UBE2G1: variants seen among roughly 807,000 people sequenced by gnomAD.
UBE2G1 encodes the protein ubiquitin conjugating enzyme E2 G1.
In UBE2G1, 5 loss-of-function variants were observed where a neutral mutation model predicts 22.7. The ratio of observed to expected loss-of-function variants is 0.22; its 90% confidence interval spans 0.12 to 0.46. The LOEUF (loss-of-function observed/expected upper bound fraction) is 0.46, where lower values mean the gene tolerates loss of function less well. UBE2G1 is among the 20% of genes least tolerant of loss of function. The pLI is 0.99. For missense variants in UBE2G1, 88 were observed against 203.9 expected, an observed-to-expected ratio of 0.43 and a Z score of 3.46; for synonymous variants, 74 against 67.5, an observed-to-expected ratio of 1.10 and a Z score of -0.47.
At chr17:4,313,525 C>A (rs1969334568) in intron 1 of UBE2G1, among the ~76,000 whole-genome samples, 1 of 152,052 alleles carries the variant, frequency 6.6e-6, no homozygotes, top group Admixed American at 6.6e-5. Flanking sequence ...CTAGAAAGAC[C>A]TCTCTTTCTC....
intron 2 of UBE2G1, among the ~76,000 whole-genome samples, chr17:4,306,628 T>C (rs1969251875): frequency 1.3e-5 from 2 of 152,198 alleles, no homozygotes; most frequent in Non-Finnish European, 2.9e-5. Context: ...TAATTTCATG[T>C]CAGTTTGCCA....
At chr17:4,284,204 G>A (rs964313520) in intron 4 of UBE2G1, among the ~76,000 whole-genome samples, 1 of 146,788 alleles carries the variant, frequency 6.8e-6, no homozygotes, top group Admixed American at 6.8e-5. Flanking sequence ...TTAATTGAAA[G>A]TCTGTATACT....
intron 1 of UBE2G1, among the ~76,000 whole-genome samples, chr17:4,338,428 A>G (rs545678691): frequency 1.3e-4 from 20 of 152,232 alleles, no homozygotes; most frequent in Non-Finnish European, 2.9e-5. Context: ...GAATTAGAAA[A>G]CACTCCAATA....
At chr17:4,290,983 A>C (rs1969030779) in intron 3 of UBE2G1, among the ~76,000 whole-genome samples, 1 of 152,102 alleles carries the variant, frequency 6.6e-6, no homozygotes. Context: ...TTTATGTATG[A>C]GGTTTTCTAT....
intron 1 of UBE2G1, chr17:4,345,761 G>A: frequency 6.6e-6 from 1 of 152,110 alleles, no homozygotes; most frequent in Non-Finnish European, 1.5e-5. Context: ...TCTTACAAGG[G>A]AAGGTCTCTT....
At chr17:4,319,706 G>A (rs1969415362) in intron 1 of UBE2G1, among the ~76,000 whole-genome samples, 1 of 151,452 alleles carries the variant, frequency 6.6e-6, no homozygotes, top group Non-Finnish European at 1.5e-5. Flanking sequence ...CTGCACTCCA[G>A]CCTAGGCACC....
intron 4 of UBE2G1, among the ~76,000 whole-genome samples, chr17:4,283,590 A>G (rs1968922401): frequency 6.6e-6 from 1 of 152,186 alleles, no homozygotes; most frequent in African/African-American, 2.4e-5. Context: ...TCTGCAACAT[A>G]AGGTAGATAG....
At chr17:4,326,181 A>C (rs1969502796) in intron 1 of UBE2G1, among the ~76,000 whole-genome samples, 1 of 152,178 alleles carries the variant, frequency 6.6e-6, no homozygotes, top group Admixed American at 6.6e-5. Flanking sequence ...AAAATATTGT[A>C]AATCACCTAT....
chr17:4,361,498 G>T (rs1969966104), intron 1 of UBE2G1, among the ~76,000 whole-genome samples: 1 of 152,184 alleles, frequency 6.6e-6, no homozygotes, highest in Non-Finnish European at 1.5e-5. Context: ...CTGCACTCCA[G>T]CCTGGGTGAC....
At chr17:4,341,140 G>A (rs1362820530) in intron 1 of UBE2G1, among the ~76,000 whole-genome samples, 2 of 151,396 alleles carry the variant, frequency 1.3e-5, no homozygotes, top group Non-Finnish European at 2.9e-5. Flanking sequence ...CAGAGTATTA[G>A]TCACACACTG....
chr17:4,323,765 C>A (rs1490752714), intron 1 of UBE2G1, among the ~76,000 whole-genome samples: 1 of 152,080 alleles, frequency 6.6e-6, no homozygotes, highest in African/African-American at 2.4e-5. Flanking sequence ...ATCATGGTCT[C>A]GAAGTGGGCT....
chr17:4,341,388 G>A (rs1420139964), intron 1 of UBE2G1, among the ~76,000 whole-genome samples: 1 of 151,992 alleles, frequency 6.6e-6, no homozygotes, highest in Admixed American at 6.6e-5. Flanking sequence ...TGTTACTCTG[G>A]ATCAACTGCC....
At chr17:4,331,491 A>G (rs1046850901) in intron 1 of UBE2G1, among the ~76,000 whole-genome samples, 3 of 152,204 alleles carry the variant, frequency 2.0e-5, no homozygotes, top group Non-Finnish European at 4.4e-5. Flanking sequence ...TATTCTGAAT[A>G]TATCTAACTC....
At chr17:4,285,600 G>A (rs988017947) in intron 4 of UBE2G1, among the ~76,000 whole-genome samples, 3 of 152,202 alleles carry the variant, frequency 2.0e-5, no homozygotes, top group Non-Finnish European at 4.4e-5. Context: ...GAGAAGAGCA[G>A]TGAAGGGGTA....
intron 1 of UBE2G1, among the ~76,000 whole-genome samples, chr17:4,343,397 G>A (rs1969732634): frequency 6.6e-6 from 1 of 152,064 alleles, no homozygotes; most frequent in Admixed American, 6.6e-5. Flanking sequence ...CCAGCTACAA[G>A]GGAGGCTGAG....
intron 4 of UBE2G1, among the ~76,000 whole-genome samples, chr17:4,284,848 T>C (rs866907895): frequency 0.023 from 3,094 of 137,318 alleles, 72 homozygotes; most frequent in Non-Finnish European, 0.035. Flanking sequence ...CTTTTTTTTT[T>C]TTTTTTTTTT....
In UBE2G1 at chr17:4,270,954, G is replaced by A. The variant is rs1481449591; in HGVS notation, c.*1600C>T. ...ATTTCTCCAAACCCCACAGAGCAGAGATGCACGAATTCTCACTGATTCTCA... is the reference window on the plus strand; with the variant it reads ...ATTTCTCCAAACCCCACAGAGCAGAAATGCACGAATTCTCACTGATTCTCA... On this transcript the variant is annotated 3_prime_UTR_variant, in exon 6 of 6. Coordinates refer to ENST00000396981, the MANE Select transcript of UBE2G1 (RefSeq NM_003342.5). 1 of 152,194 alleles carries A rather than the reference G, an allele frequency of 6.6e-6. No individual in the cohort carries two copies. Among genetic ancestry groups the A allele is most frequent in the East Asian group, 1.9e-4 (1 of 5,194 alleles). The allele number at this position is 152,194 out of a possible 1,614,324, so 9.4% of individuals were successfully genotyped here.
intron 1 of UBE2G1, among the ~76,000 whole-genome samples, chr17:4,323,051 T>C (rs35513053): frequency 0.34 from 52,365 of 152,180 alleles, 9,214 homozygotes; most frequent in Admixed American, 0.4. Context: ...AATTAGCTTC[T>C]GCTGATAGCG....
At chr17:4,346,564 T>C (rs143487999) in intron 1 of UBE2G1, among the ~76,000 whole-genome samples, 2,684 of 151,488 alleles carry the variant, frequency 0.018, 44 homozygotes, top group Middle Eastern at 0.031. Flanking sequence ...GCCTCCCAAG[T>C]GGCTGGGACT....
Sources: gnomAD v4.1 joint callset for allele counts (sites outside exome capture counted in the v4.1 genomes callset) on GRCh38, gnomAD v4.1.1 for gene constraint, MANE v1.5 for transcripts, NCBI Gene and HGNC (gene_info 2026-07-23, HGNC 2026-07-21) for gene names.